BTBD9: variants seen among roughly 807,000 people sequenced by gnomAD.
BTBD9 encodes the protein BTB domain containing 9, also known as BTB/POZ domain-containing protein 9.
BTBD9 carries 49 observed loss-of-function variants against 64.3 expected under a neutral mutation model. That is an observed-to-expected ratio of 0.76 (90% confidence interval 0.61 to 0.97). The LOEUF (loss-of-function observed/expected upper bound fraction) is 0.97. BTBD9 is among the 50% of genes least tolerant of loss of function. The pLI is 0.00. For synonymous variants in BTBD9, 260 were observed against 274.7 expected (o/e 0.95, Z 0.53); for missense variants, 598 against 762.1 (o/e 0.78, Z 2.53).
At chr6:38,636,932 C>T (rs189933880) in intron 1 of BTBD9, among the ~76,000 whole-genome samples, 4 of 152,144 alleles carry the variant, frequency 2.6e-5, no homozygotes, top group Non-Finnish European at 4.4e-5. Context: ...CAGCCCTCTC[C>T]CCTCTCTTGC....
intron 6 of BTBD9, among the ~76,000 whole-genome samples, chr6:38,574,103 C>T (rs1486361679): frequency 6.6e-6 from 1 of 152,184 alleles, no homozygotes; most frequent in African/African-American, 2.4e-5. Flanking sequence ...CTTTTGGCTA[C>T]ATAGAGCAAT....
At chr6:38,374,301 A>G (rs1235353480) in intron 6 of BTBD9, among the ~76,000 whole-genome samples, 3 of 93,068 alleles carry the variant, frequency 3.2e-5, no homozygotes, top group African/African-American at 1.0e-4. Flanking sequence ...ATATATGTAT[A>G]TATATGTATA....
At chr6:38,412,397 G>A (rs556690604) in intron 6 of BTBD9, among the ~76,000 whole-genome samples, 1 of 152,018 alleles carries the variant, frequency 6.6e-6, no homozygotes, top group Non-Finnish European at 1.5e-5. Flanking sequence ...TCACCAACTA[G>A]ATCTCTCAAA....
At chr6:38,240,278 C>T (rs1763949514) in intron 9 of BTBD9, among the ~76,000 whole-genome samples, 1 of 152,210 alleles carries the variant, frequency 6.6e-6, no homozygotes. Context: ...TCAGAATCCA[C>T]AAATGCCTCT....
chr6:38,392,287 AT>A (rs2127623640), intron 6 of BTBD9, among the ~76,000 whole-genome samples: 1 of 152,290 alleles, frequency 6.6e-6, no homozygotes, highest in East Asian at 1.9e-4. Context: ...GAAAAAAAAA[AT>A]CACAGGAAAA....
chr6:38,528,230 C>T (rs1331862788), intron 6 of BTBD9, among the ~76,000 whole-genome samples: 1 of 152,152 alleles, frequency 6.6e-6, no homozygotes, highest in Admixed American at 6.5e-5. Context: ...AGCATTTAGA[C>T]CAGCCCTAGC....
At chr6:38,421,264 G>A (rs1021562611) in intron 6 of BTBD9, among the ~76,000 whole-genome samples, 5 of 152,188 alleles carry the variant, frequency 3.3e-5, no homozygotes, top group South Asian at 2.1e-4. Context: ...GCTGAGACAC[G>A]AGAATCACTT....
At position 38,398,540 on chromosome 6, in the gene BTBD9, A is replaced by G. The variant is rs77680586; in HGVS notation, c.1155-53447T>C. On this transcript the variant is annotated intron_variant, in intron 6 of 10. Transcript: ENST00000481247. ...AAACAATACAAGTCACAGCCTGATT[A>G]TTCTGCAGTGGCCTCATCCAGGCCC... 1.0e-3 allele frequency among the ~76,000 whole-genome samples: 156 copies of G among 152,306 alleles called. 4 individuals carry two copies. The East Asian group carries it at 0.017, about 16-fold the overall frequency.
chr6:38,538,560 C>G (rs922590072), intron 6 of BTBD9, among the ~76,000 whole-genome samples: 3 of 151,936 alleles, frequency 2.0e-5, no homozygotes, highest in Admixed American at 2.0e-4. Context: ...TTTCAATACC[C>G]CCAAATTATT....
chr6:38,466,857 C>A (rs1014074945), intron 6 of BTBD9, among the ~76,000 whole-genome samples: 1 of 152,128 alleles, frequency 6.6e-6, no homozygotes, highest in South Asian at 2.1e-4. Context: ...GGATTACAGG[C>A]GTGAGCCACC....
intron 9 of BTBD9, among the ~76,000 whole-genome samples, chr6:38,194,021 T>A (rs544166886): frequency 6.6e-6 from 1 of 152,092 alleles, no homozygotes; most frequent in East Asian, 1.9e-4. Flanking sequence ...TATTCACACA[T>A]GAAGGTGACG....
intron 6 of BTBD9, among the ~76,000 whole-genome samples, chr6:38,572,313 CGAAT>C (rs1425593996): frequency 6.6e-6 from 1 of 152,030 alleles, no homozygotes; most frequent in Non-Finnish European, 1.5e-5. Context: ...GGGTGAGTGA[CGAAT>C]GAATACATAA....
chr6:38,534,055 A>C lies in BTBD9; in HGVS notation c.1154+43545T>G, dbSNP rs143979399. 3.5e-4 allele frequency among the ~76,000 whole-genome samples: 53 copies of C among 152,182 alleles called. 1 individual carries two copies. The East Asian group carries it at 9.8e-3, about 28-fold the overall frequency. ...GAGCAGAAATAAATGAAACTGAAACAAACAAACAAACCAATTGGAAAGACT... is the reference window on the plus strand; with the variant it reads ...GAGCAGAAATAAATGAAACTGAAACCAACAAACAAACCAATTGGAAAGACT... On this transcript the variant is annotated intron_variant, in intron 6 of 10. Coordinates refer to ENST00000481247, the MANE Select transcript of BTBD9 (RefSeq NM_001099272.2).
At chr6:38,577,494 A>T in intron 6 of BTBD9, 106 bp downstream of exon 6, 1 of 1,145,812 alleles carries the variant, frequency 8.7e-7, no homozygotes, top group South Asian at 1.5e-5. Context: ...AGTAGTTGAC[A>T]TCCTGAATAA....
At chr6:38,415,911 G>C (rs998211922) in intron 6 of BTBD9, among the ~76,000 whole-genome samples, 2 of 151,856 alleles carry the variant, frequency 1.3e-5, no homozygotes, top group Non-Finnish European at 2.9e-5. Context: ...GCTCCTCACT[G>C]ACTTCGGGAT....
chr6:38,341,632 G>A (rs1764103988), intron 7 of BTBD9, among the ~76,000 whole-genome samples: 1 of 152,218 alleles, frequency 6.6e-6, no homozygotes, highest in Non-Finnish European at 1.5e-5. Context: ...CTAAGGCAAA[G>A]TAAATACATT....
chr6:38,221,390 A>G (rs1763190340), intron 9 of BTBD9, among the ~76,000 whole-genome samples: 1 of 152,118 alleles, frequency 6.6e-6, no homozygotes, highest in Non-Finnish European at 1.5e-5. Context: ...CCTCCTGTCC[A>G]AAAGCCTCCC....
intron 6 of BTBD9, among the ~76,000 whole-genome samples, chr6:38,562,884 A>G (rs764189823): frequency 2.6e-5 from 4 of 152,180 alleles, no homozygotes; most frequent in African/African-American, 7.2e-5. Context: ...ATTATAAAGT[A>G]TACATTTCCT....
At position 38,592,775 on chromosome 6, in the gene BTBD9, G is replaced by C; in HGVS notation, c.615C>G (p.Ala205=). ...AATTGTGCTTACACCAGTTTAATAA[G>C]GCTAGGAAAATATCTTTTTCGGGAG... ...FAAPEKDIFL[A]LLNWCKHNSK... Residue 205 remains alanine, a synonymous_variant, in exon 4 of 11, where the codon GCC becomes GCG. Transcript: ENST00000481247. The C allele has an allele frequency of 6.2e-7, 1 of 1,614,146 alleles. No homozygotes were observed. The highest frequency in any genetic ancestry group is 2.2e-5 in the East Asian group (1 of 44,884).
Sources: gnomAD v4.1 joint callset for allele counts (sites outside exome capture counted in the v4.1 genomes callset) on GRCh38, gnomAD v4.1.1 for gene constraint, MANE v1.5 for transcripts, NCBI Gene and HGNC (gene_info 2026-07-23, HGNC 2026-07-21) for gene names.